The following TEAD1 variants were observed in gnomAD, a reference collection of about 807,000 sequenced individuals.
The protein encoded by TEAD1 is TEA domain transcription factor 1.
TEAD1 carries 9 observed loss-of-function variants against 54.9 expected under a neutral mutation model. That is an observed-to-expected ratio of 0.16 (90% CI 0.10 to 0.29). The LOEUF is 0.29. TEAD1 is among the 10% of genes least tolerant of loss of function. The probability of loss-of-function intolerance (pLI) is 1.00; values close to 1 mark genes in which losing one functional copy is unlikely to be tolerated. For missense variants in TEAD1, 387 were observed against 535.9 expected (o/e 0.72, Z 2.74); for synonymous variants, 200 against 187.8 (o/e 1.07, Z -0.53).
At chr11:12,848,202 T>C (rs1192915558) in intron 3 of TEAD1, among the ~76,000 whole-genome samples, 1 of 152,214 alleles carries the variant, frequency 6.6e-6, no homozygotes, top group African/African-American at 2.4e-5. Context: ...AGAGAGTGTG[T>C]ATTATTCCAG....
intron 2 of TEAD1, among the ~76,000 whole-genome samples, chr11:12,737,453 C>T (rs1440743452): frequency 6.6e-6 from 1 of 152,122 alleles, no homozygotes; most frequent in Non-Finnish European, 1.5e-5. Context: ...TGGAGAATTC[C>T]CAGACAGCTC....
At position 12,702,505 on chromosome 11, in the gene TEAD1, G is replaced by A. The variant is rs543093721; in HGVS notation, c.-55+26944G>A. Among the ~76,000 whole-genome samples the A allele has an allele frequency of 2.6e-5, 4 of 152,136 alleles. No homozygotes were observed. The South Asian group carries it at 6.2e-4, about 24-fold the overall frequency. ...GAGAGTAGAAGGATAAGAATCGTTA[G>A]CCCCATTTTAGAGATAGAAGAATTG... is the stretch of plus-strand genomic sequence containing the variant. On this transcript the variant is annotated intron_variant, in intron 2 of 12. Coordinates refer to ENST00000527636, the MANE Select transcript of TEAD1 (RefSeq NM_021961.6).
chr11:12,819,512 C>T (rs958690219), intron 3 of TEAD1, among the ~76,000 whole-genome samples: 18 of 152,006 alleles, frequency 1.2e-4, no homozygotes, highest in Non-Finnish European at 2.2e-4. Context: ...TGTAGTGGCG[C>T]GATCTCGGCT....
intron 2 of TEAD1, among the ~76,000 whole-genome samples, chr11:12,722,434 G>T (rs773024132): frequency 1.3e-5 from 2 of 152,108 alleles, no homozygotes; most frequent in Non-Finnish European, 2.9e-5. Context: ...TAGGTCATCC[G>T]GTAACATCCC....
chr11:12,793,001 A>G (rs1208250342), intron 3 of TEAD1, among the ~76,000 whole-genome samples: 1 of 151,414 alleles, frequency 6.6e-6, no homozygotes, highest in Non-Finnish European at 1.5e-5. Context: ...GTAGTATGCC[A>G]TGCTCACACC....
chr11:12,903,150 T>C (rs1264431790), intron 10 of TEAD1, among the ~76,000 whole-genome samples: 2 of 152,232 alleles, frequency 1.3e-5, no homozygotes, highest in African/African-American at 4.8e-5. Context: ...CTCCACGTTT[T>C]AGGTGGAATT....
At chr11:12,894,356 C>T (rs763787239) in intron 9 of TEAD1, among the ~76,000 whole-genome samples, 7 of 152,006 alleles carry the variant, frequency 4.6e-5, no homozygotes, top group Non-Finnish European at 1.0e-4. Context: ...TCCTTTTCCA[C>T]AAAGATTGAA....
At chr11:12,795,497 C>T (rs1386644848) in intron 3 of TEAD1, among the ~76,000 whole-genome samples, 1 of 152,168 alleles carries the variant, frequency 6.6e-6, no homozygotes, top group Non-Finnish European at 1.5e-5. Flanking sequence ...GGTATGGTCA[C>T]AATTAGGCAG....
intron 10 of TEAD1, among the ~76,000 whole-genome samples, chr11:12,911,678 CTTT>C (rs386373128): frequency 7.3e-6 from 1 of 136,960 alleles, no homozygotes; most frequent in Non-Finnish European, 1.6e-5. Context: ...TTACATGAGT[CTTT>C]TTTTTTTTTT....
chr11:12,758,714 A>G (rs936064419), intron 2 of TEAD1, among the ~76,000 whole-genome samples: 1 of 151,436 alleles, frequency 6.6e-6, no homozygotes, highest in South Asian at 2.1e-4. Flanking sequence ...CTACCTGGCC[A>G]TTTTTTTAAA....
At chr11:12,750,109 C>T (rs116530721) in intron 2 of TEAD1, among the ~76,000 whole-genome samples, 1,759 of 152,234 alleles carry the variant, frequency 0.012, 35 homozygotes, top group African/African-American at 0.04. Context: ...GGCAGTGTTG[C>T]GTGCTTTTGG....
chr11:12,837,808 T>C (rs1373997947), intron 3 of TEAD1, among the ~76,000 whole-genome samples: 4 of 140,104 alleles, frequency 2.9e-5, no homozygotes, highest in African/African-American at 3.1e-5. Context: ...CCTTCTTCTT[T>C]TTTTTTTTTT....
intron 2 of TEAD1, among the ~76,000 whole-genome samples, chr11:12,688,352 T>C (rs1388784030): frequency 6.6e-6 from 1 of 152,176 alleles, no homozygotes; most frequent in East Asian, 1.9e-4. Flanking sequence ...TGGTTGGTTT[T>C]TGGTGGGAGG....
rs1564937732 is a variant in TEAD1 at position 12,781,973 on chromosome 11, AAAGAAAAAAAGAAAAAG to A, written c.202+17542_202+17558del. ...GTACAAAAAAAAAAAAAAAAAAAAG[AAAGAAAAAAAGAAAAAG>A]AAAAAAAAAATTAGCCAAGCGTGGT... On this transcript the variant is annotated intron_variant, in intron 3 of 12. Transcript: ENST00000527636. Among the ~76,000 whole-genome samples, 152 of 128,470 alleles carry A rather than the reference AAAGAAAAAAAGAAAAAG, an allele frequency of 1.2e-3. 5 individuals carry two copies. Among genetic ancestry groups the A allele is most frequent in the African/African-American group, 6.2e-3 (145 of 23,304 alleles). The allele number at this position is 128,470 out of a possible 152,430, so 84.3% of individuals were successfully genotyped here. A position where few individuals can be genotyped will look rare whatever the true frequency, so the allele number is the denominator to read the frequency against.
At chr11:12,806,447 T>C (rs76473827) in intron 3 of TEAD1, among the ~76,000 whole-genome samples, 12 of 151,946 alleles carry the variant, frequency 7.9e-5, no homozygotes, top group African/African-American at 2.6e-4. Context: ...TTCCAAAGTC[T>C]TGGGTCCTTG....
At chr11:12,881,637 G>C (rs1423415850) in intron 7 of TEAD1, among the ~76,000 whole-genome samples, 1 of 152,198 alleles carries the variant, frequency 6.6e-6, no homozygotes, top group Non-Finnish European at 1.5e-5. Flanking sequence ...AAAGGCAGAT[G>C]CCACAGCACA....
At chr11:12,864,689 TC>T in intron 4 of TEAD1, 148 bp from the exon 5 acceptor site, 1 of 1,542,126 alleles carries the variant, frequency 6.5e-7, no homozygotes, top group Non-Finnish European at 8.7e-7. Flanking sequence ...AATGTAGGTG[TC>T]TAGTCATATA....
At chr11:12,915,278 G>A (rs369752544) in intron 10 of TEAD1, among the ~76,000 whole-genome samples, 2 of 152,074 alleles carry the variant, frequency 1.3e-5, no homozygotes, top group Admixed American at 6.5e-5. Context: ...TGCTGCCACC[G>A]CGTGAGCTGC....
chr11:12,790,693 C>G (rs961271510), intron 3 of TEAD1, among the ~76,000 whole-genome samples: 3 of 152,148 alleles, frequency 2.0e-5, no homozygotes, highest in Non-Finnish European at 4.4e-5. Context: ...GCCAGTTGAT[C>G]TAAATAGACA....
Sources: gnomAD v4.1 joint callset for allele counts (sites outside exome capture counted in the v4.1 genomes callset) on GRCh38, gnomAD v4.1.1 for gene constraint, MANE v1.5 for transcripts, NCBI Gene and HGNC (gene_info 2026-07-23, HGNC 2026-07-21) for gene names.